Variants in SHANK2 observed in about 807,000 individuals in gnomAD.
SHANK2 encodes the protein SH3 and multiple ankyrin repeat domains 2.
A neutral mutation model predicts 133.7 loss-of-function variants in SHANK2; 43 were observed. That is an observed-to-expected ratio of 0.32 (90% CI 0.25 to 0.41). The LOEUF (loss-of-function observed/expected upper bound fraction) is 0.41. Ranked by LOEUF, SHANK2 falls within the 10% of genes least tolerant of loss-of-function variation. The pLI, the probability that SHANK2 is intolerant of heterozygous loss-of-function variation, is 1.00. For synonymous variants in SHANK2, 1,017 were observed against 952.8 expected (o/e 1.07, Z -1.24); for missense variants, 1,994 against 2,235.8 (o/e 0.89, Z 2.18).
chr11:70,769,834 T>TGTGC (rs1947209567), intron 14 of SHANK2, among the ~76,000 whole-genome samples: 4 of 151,600 alleles, frequency 2.6e-5, no homozygotes, highest in Admixed American at 2.6e-4. Flanking sequence ...TGTAGGTGTG[T>TGTGC]GTGTATGGGT....
intron 14 of SHANK2, among the ~76,000 whole-genome samples, chr11:70,703,633 C>A (rs946916673): frequency 1.3e-5 from 2 of 152,120 alleles, no homozygotes; most frequent in Non-Finnish European, 2.9e-5. Context: ...AATAAAACAC[C>A]CTGAGGCAGA....
intron 9 of SHANK2, among the ~76,000 whole-genome samples, chr11:71,068,177 G>C (rs995540101): frequency 1.2e-4 from 19 of 152,268 alleles, no homozygotes; most frequent in Non-Finnish European, 1.8e-4. Flanking sequence ...ATCATCATTA[G>C]TACCATGACT....
intron 10 of SHANK2, chr11:70,944,028 G>A (rs1436560487): frequency 2.2e-6 from 1 of 453,566 alleles, no homozygotes; most frequent in Non-Finnish European, 4.4e-6. Context: ...TTCAATCATG[G>A]TTCCTGTGTT....
At chr11:70,945,902 T>C (rs887366053) in intron 10 of SHANK2, among the ~76,000 whole-genome samples, 16 of 152,006 alleles carry the variant, frequency 1.1e-4, no homozygotes, top group Non-Finnish European at 2.1e-4. Flanking sequence ...GTCCTCTCTT[T>C]CACAGCCTCC....
chr11:70,933,949 C>A (rs1408122687), intron 10 of SHANK2, among the ~76,000 whole-genome samples: 1 of 148,878 alleles, frequency 6.7e-6, no homozygotes. Flanking sequence ...AAAACAACAA[C>A]AGCTGGGCGC....
chr11:70,662,038 A>ACGGCGGCGGCGG, intron 15 of SHANK2: 1 of 519,624 alleles, frequency 1.9e-6, no homozygotes, highest in Admixed American at 3.2e-5. Context: ...AGTGGCCCGA[A>ACGGCGGCGGCGG]CGGCGGCGGC....
intron 24 of SHANK2, among the ~76,000 whole-genome samples, chr11:70,488,557 A>G (rs954921707): frequency 3.9e-5 from 6 of 152,172 alleles, no homozygotes; most frequent in African/African-American, 1.2e-4. Context: ...AGGAGGGGCC[A>G]TGTGGGCTCT....
intron 7 of SHANK2, among the ~76,000 whole-genome samples, chr11:71,093,264 A>G (rs566833278): frequency 1.3e-5 from 2 of 152,262 alleles, no homozygotes; most frequent in Non-Finnish European, 1.5e-5. Context: ...GAAAAGGTGC[A>G]TGGTTTAACC....
At chr11:70,949,099 G>C (rs1950796484) in intron 10 of SHANK2, among the ~76,000 whole-genome samples, 1 of 152,144 alleles carries the variant, frequency 6.6e-6, no homozygotes, top group Non-Finnish European at 1.5e-5. Flanking sequence ...CTGCCAACCA[G>C]CTGCTTCTAA....
intron 1 of SHANK2, among the ~76,000 whole-genome samples, chr11:71,247,801 G>GC (rs1188870930): frequency 6.6e-6 from 1 of 152,084 alleles, no homozygotes; most frequent in Admixed American, 6.5e-5. Flanking sequence ...CCATTCACAC[G>GC]CCCCTCACTG....
intron 17 of SHANK2, chr11:70,634,040 G>A (rs1387774871): frequency 2.6e-5 from 4 of 152,294 alleles, no homozygotes; most frequent in South Asian, 2.1e-4. Flanking sequence ...CAGGAAACAC[G>A]GGAGATGGCT....
At chr11:70,601,050 T>C (rs528553324) in intron 17 of SHANK2, among the ~76,000 whole-genome samples, 1 of 150,898 alleles carries the variant, frequency 6.6e-6, no homozygotes, top group African/African-American at 2.5e-5. Flanking sequence ...TATATCTATA[T>C]CTATATCTAT....
chr11:70,686,434 A>C (rs1409243407), intron 15 of SHANK2, among the ~76,000 whole-genome samples: 1 of 150,012 alleles, frequency 6.7e-6, no homozygotes, highest in Non-Finnish European at 1.5e-5. Flanking sequence ...CCATCCATTC[A>C]TCTATCTACC....
chr11:70,588,934 C>T (rs1267611720), intron 17 of SHANK2, among the ~76,000 whole-genome samples: 1 of 152,362 alleles, frequency 6.6e-6, no homozygotes, highest in East Asian at 1.9e-4. Flanking sequence ...TCTCCTGCCT[C>T]AGCCTCCCGA....
intron 1 of SHANK2, among the ~76,000 whole-genome samples, chr11:71,235,418 AC>A (rs781995619): frequency 6.6e-6 from 1 of 152,052 alleles, no homozygotes; most frequent in Non-Finnish European, 1.5e-5. Flanking sequence ...ACATGGTGAA[AC>A]CCTGTCTCTA....
chr11:70,851,569 C>T (rs568749999), intron 11 of SHANK2, among the ~76,000 whole-genome samples: 5 of 152,278 alleles, frequency 3.3e-5, no homozygotes, highest in Admixed American at 1.3e-4. Context: ...CAATTGAGCA[C>T]GGAGTCCACA....
chr11:71,137,268 C>CTTTT (rs1952459235), intron 3 of SHANK2, among the ~76,000 whole-genome samples: 3 of 133,514 alleles, frequency 2.2e-5, no homozygotes, highest in Admixed American at 7.6e-5. Context: ...TTTTTAAATC[C>CTTTT]TTTTTTAAAA....
intron 17 of SHANK2, among the ~76,000 whole-genome samples, chr11:70,646,820 TTTTATTTATTTTA>T (rs376136787): frequency 0.051 from 7,174 of 140,100 alleles, 213 homozygotes; most frequent in African/African-American, 0.089. Context: ...GGAATCTAAC[TTTTATTTATTTTA>T]TTTATTTATT....
At chr11:70,578,598 G>A (rs1167746458) in intron 17 of SHANK2, among the ~76,000 whole-genome samples, 3 of 152,160 alleles carry the variant, frequency 2.0e-5, no homozygotes, top group African/African-American at 2.4e-5. Context: ...GCGTGTCCCC[G>A]AGAAGGTGGG....
Sources: gnomAD v4.1 joint callset for allele counts (sites outside exome capture counted in the v4.1 genomes callset) on GRCh38, gnomAD v4.1.1 for gene constraint, MANE v1.5 for transcripts, NCBI Gene and HGNC (gene_info 2026-07-23, HGNC 2026-07-21) for gene names.